The following SLC26A7 variants were observed in gnomAD, a reference collection of about 807,000 sequenced individuals.
SLC26A7 encodes anion exchange transporter.
In SLC26A7, 59 loss-of-function variants were observed where a neutral mutation model predicts 82.5. The ratio of observed to expected loss-of-function variants is 0.72; its 90% CI spans 0.58 to 0.89. The LOEUF (loss-of-function observed/expected upper bound fraction) is 0.89. Ranked by LOEUF, SLC26A7 falls within the 40% of genes least tolerant of loss-of-function variation. The pLI is 0.00. For synonymous variants in SLC26A7, 271 were observed against 274.3 expected (o/e 0.99, Z 0.12); for missense variants, 820 against 793.0 (o/e 1.03, Z -0.41).
At chr8:91,267,672 G>T (rs1266694989) in intron 2 of SLC26A7, among the ~76,000 whole-genome samples, 2 of 151,462 alleles carry the variant, frequency 1.3e-5, no homozygotes, top group African/African-American at 2.4e-5. Context: ...CTAGCTAAAG[G>T]TTTGTTAATT....
chr8:91,327,931 G>T (rs997477217), intron 5 of SLC26A7, among the ~76,000 whole-genome samples: 1 of 151,932 alleles, frequency 6.6e-6, no homozygotes, highest in Non-Finnish European at 1.5e-5. Context: ...TACTAGTGAA[G>T]AATTATTATC....
chr8:91,384,038 A>T (rs961351649), intron 15 of SLC26A7, among the ~76,000 whole-genome samples: 2 of 152,166 alleles, frequency 1.3e-5, no homozygotes, highest in Non-Finnish European at 2.9e-5. Flanking sequence ...CAATGCAGGT[A>T]TATTAGTTTC....
chr8:91,216,480 C>T (rs926914569), intron 1 of SLC26A7, among the ~76,000 whole-genome samples: 1 of 152,148 alleles, frequency 6.6e-6, no homozygotes, highest in Admixed American at 6.6e-5. Context: ...ACTTCCTCCT[C>T]TTGGTTCTTG....
intron 2 of SLC26A7, among the ~76,000 whole-genome samples, chr8:91,256,254 G>C (rs922563737): frequency 6.6e-6 from 1 of 152,078 alleles, no homozygotes. Flanking sequence ...AAATGTTGCG[G>C]TTTCTAATGT....
chr8:91,364,573 G>T (rs996311148), intron 13 of SLC26A7, among the ~76,000 whole-genome samples: 1 of 152,078 alleles, frequency 6.6e-6, no homozygotes, highest in African/African-American at 2.4e-5. Flanking sequence ...CTTGTGCAAA[G>T]CCCCAGACTG....
chr8:91,321,150 A>G (rs937017424), intron 5 of SLC26A7, among the ~76,000 whole-genome samples: 2 of 152,214 alleles, frequency 1.3e-5, no homozygotes, highest in Non-Finnish European at 2.9e-5. Context: ...CTCATTCCCT[A>G]GTTGAGTTGG....
intron 1 of SLC26A7, among the ~76,000 whole-genome samples, chr8:91,214,512 C>A (rs1048409895): frequency 6.6e-6 from 1 of 152,124 alleles, no homozygotes; most frequent in Admixed American, 6.6e-5. Flanking sequence ...GGGAATCATA[C>A]AATGACTAAC....
At chr8:91,231,179 G>A (rs892795443) in intron 2 of SLC26A7, among the ~76,000 whole-genome samples, 4 of 152,096 alleles carry the variant, frequency 2.6e-5, no homozygotes, top group African/African-American at 9.7e-5. Context: ...GATGCTAACT[G>A]GACATTAGTG....
chr8:91,237,506 C>T (rs1810409750), intron 2 of SLC26A7, among the ~76,000 whole-genome samples: 1 of 152,154 alleles, frequency 6.6e-6, no homozygotes, highest in African/African-American at 2.4e-5. Context: ...ATATATTTGT[C>T]TTTTTAAAGG....
At position 91,334,171 on chromosome 8, in the gene SLC26A7, T is replaced by G; in HGVS notation, c.643-124T>G. The G allele has an allele frequency of 4.4e-6, 4 of 903,198 alleles. 2 individuals carry two copies. The highest frequency in any genetic ancestry group is 6.6e-6 in the Non-Finnish European group (4 of 606,960). The allele number at this position is 903,198 out of a possible 1,614,324, so 55.9% of individuals were successfully genotyped here. Reference sequence around the variant, plus strand: ...CACTGACTACCCGCCTACCTATATCTTTCCTCTCCCTAGCCATTAAGATAG... The same window carrying G: ...CACTGACTACCCGCCTACCTATATCGTTCCTCTCCCTAGCCATTAAGATAG... On this transcript the variant is annotated intron_variant, in intron 5 of 18. Coordinates refer to ENST00000276609, the MANE Select transcript of SLC26A7 (RefSeq NM_052832.4).
rs1813179077 is a variant in SLC26A7 at position 91,334,313 on chromosome 8, G to A, written c.661G>A (p.Glu221Lys). The change falls in exon 6 of 19, where the codon GAA becomes AAA. Residue 221 changes from glutamate (E) to lysine (K), a missense_variant. By Grantham distance (56) the Glu-to-Lys change is moderately conservative (BLOSUM62 1). Transcript: ENST00000276609. ...GFFYIYAYVF[E>K]NIKSVRLEAL... ...ACTGTAGATTTATGCATATGTTTTT[G>A]AAAACATCAAGTCTGTGCGACTGGA... The A allele has an allele frequency of 1.2e-6, 2 of 1,608,464 alleles. No homozygotes were observed. Among genetic ancestry groups the A allele is most frequent in the Non-Finnish European group, 8.5e-7 (1 of 1,177,676 alleles).
intron 15 of SLC26A7, among the ~76,000 whole-genome samples, chr8:91,370,630 T>C (rs1433339588): frequency 6.6e-6 from 1 of 152,036 alleles, no homozygotes; most frequent in Admixed American, 6.6e-5. Context: ...TTAATTATCT[T>C]TCTTTGCAAA....
At chr8:91,254,119 CT>C (rs1366267812) in intron 2 of SLC26A7, among the ~76,000 whole-genome samples, 1 of 152,006 alleles carries the variant, frequency 6.6e-6, no homozygotes, top group African/African-American at 2.4e-5. Context: ...GATATGTTTT[CT>C]TTGTCCCAAT....
chr8:91,305,133 C>A (rs1015290222), intron 4 of SLC26A7, among the ~76,000 whole-genome samples: 4 of 152,098 alleles, frequency 2.6e-5, no homozygotes, highest in Non-Finnish European at 5.9e-5. Flanking sequence ...ATAATTCCAA[C>A]AGCTGGTACT....
chr8:91,259,274 A>T (rs752377770), intron 2 of SLC26A7, among the ~76,000 whole-genome samples: 1 of 152,040 alleles, frequency 6.6e-6, no homozygotes, highest in Non-Finnish European at 1.5e-5. Flanking sequence ...TGCACCCTTT[A>T]TATGGACATG....
chr8:91,300,605 G>T (rs1373527881), intron 4 of SLC26A7, among the ~76,000 whole-genome samples: 2 of 152,026 alleles, frequency 1.3e-5, no homozygotes, highest in Non-Finnish European at 2.9e-5. Flanking sequence ...CACCGTTATA[G>T]CCGGGATGGT....
intron 2 of SLC26A7, among the ~76,000 whole-genome samples, chr8:91,279,809 C>T (rs1334208549): frequency 4.6e-5 from 7 of 152,128 alleles, no homozygotes; most frequent in South Asian, 2.1e-4. Flanking sequence ...GCACCCGCCT[C>T]GGCCTCCCAA....
Position 91,282,965 on chromosome 8 carries a change from T to G in SLC26A7, c.194-6171T>G, listed in dbSNP as rs577105653. Among the ~76,000 whole-genome samples, 11 of 152,314 alleles carry G rather than the reference T, an allele frequency of 7.2e-5. No individual in the cohort carries two copies. In the South Asian group the frequency reaches 2.3e-3, roughly 32 times the overall value. ...CAGCACTCAGCATAAGCATTTCTCC[T>G]TTTTGTAAGACTAACTGGGATCCAG... On this transcript the variant is annotated intron_variant, in intron 2 of 18. Transcript: ENST00000276609.
chr8:91,240,477 C>T, intron 2 of SLC26A7, among the ~76,000 whole-genome samples: 1 of 152,242 alleles, frequency 6.6e-6, no homozygotes, highest in South Asian at 2.1e-4. Flanking sequence ...TAAAATTTTG[C>T]ATTTTCAACA....
Sources: gnomAD v4.1 joint callset for allele counts (sites outside exome capture counted in the v4.1 genomes callset) on GRCh38, gnomAD v4.1.1 for gene constraint, MANE v1.5 for transcripts, NCBI Gene and HGNC (gene_info 2026-07-23, HGNC 2026-07-21) for gene names.